The following EHD4 variants were observed in gnomAD, a reference collection of about 807,000 sequenced individuals.
EHD4 encodes the protein EH domain containing 4, also known as EH domain-containing protein 4.
EHD4 carries 37 observed loss-of-function variants against 51.0 expected under a neutral mutation model. That is an observed-to-expected ratio of 0.73 (90% confidence interval 0.56 to 0.95). The LOEUF is 0.95. Ranked by LOEUF, EHD4 falls within the 40% of genes least tolerant of loss-of-function variation. The probability of loss-of-function intolerance (pLI) is 0.00; values close to 1 mark genes in which losing one functional copy is unlikely to be tolerated. For missense variants in EHD4, 632 were observed against 733.1 expected, an observed-to-expected ratio of 0.86 and a Z score of 1.59; for synonymous variants, 297 against 317.3, an observed-to-expected ratio of 0.94 and a Z score of 0.68.
At chr15:41,945,691 T>C (rs1031394118) in intron 2 of EHD4, among the ~76,000 whole-genome samples, 12 of 152,236 alleles carry the variant, frequency 7.9e-5, no homozygotes, top group Non-Finnish European at 1.8e-4. Context: ...TGCATATGAA[T>C]GCATTCGTAC....
intron 4 of EHD4, among the ~76,000 whole-genome samples, chr15:41,914,026 C>T (rs921944549): frequency 1.4e-5 from 2 of 143,338 alleles, no homozygotes; most frequent in African/African-American, 2.7e-5. Flanking sequence ...ACACAGATCT[C>T]ATTGTGTCCA....
At chr15:41,936,441 T>C (rs1456910647) in intron 3 of EHD4, among the ~76,000 whole-genome samples, 2 of 152,230 alleles carry the variant, frequency 1.3e-5, no homozygotes, top group South Asian at 2.1e-4. Flanking sequence ...CAATGCACTA[T>C]GAGAGTATTA....
At chr15:41,943,029 C>G in intron 3 of EHD4, 38 bp downstream of exon 3, 1 of 1,505,986 alleles carries the variant, frequency 6.6e-7, no homozygotes, top group Non-Finnish European at 9.0e-7. Context: ...AGGGCCTCAG[C>G]CAGCACTTGG....
intron 5 of EHD4, among the ~76,000 whole-genome samples, chr15:41,905,676 ATT>A (rs985605703): frequency 2.6e-5 from 4 of 151,880 alleles, no homozygotes; most frequent in African/African-American, 9.7e-5. Context: ...CCATTTGTTC[ATT>A]TTTTCTGTTT....
chr15:41,910,569 T>G (rs972035775), intron 4 of EHD4, among the ~76,000 whole-genome samples: 2 of 150,328 alleles, frequency 1.3e-5, no homozygotes, highest in Admixed American at 1.3e-4. Context: ...AAAAGTTCTC[T>G]TTGTATATAT....
intron 1 of EHD4, among the ~76,000 whole-genome samples, chr15:41,958,230 C>T (rs533551985): frequency 2.0e-5 from 3 of 152,070 alleles, no homozygotes; most frequent in African/African-American, 7.2e-5. Flanking sequence ...TCCCCCTTTC[C>T]TGTGTTCTCG....
intron 2 of EHD4, among the ~76,000 whole-genome samples, chr15:41,953,377 A>G (rs1011298436): frequency 6.6e-6 from 1 of 152,100 alleles, no homozygotes; most frequent in South Asian, 2.1e-4. Context: ...AAGCATTTTT[A>G]TTTTTTAACT....
intron 3 of EHD4, among the ~76,000 whole-genome samples, chr15:41,938,107 G>T (rs1819936756): frequency 1.3e-5 from 2 of 152,212 alleles, no homozygotes; most frequent in Admixed American, 1.3e-4. Context: ...GTCACATGAG[G>T]TCAGGTGTAG....
At chr15:41,920,371 G>A (rs1008050879) in intron 3 of EHD4, among the ~76,000 whole-genome samples, 1 of 152,146 alleles carries the variant, frequency 6.6e-6, no homozygotes, top group Non-Finnish European at 1.5e-5. Context: ...TCAGCCCAAG[G>A]TCAAGGCTCT....
intron 5 of EHD4, among the ~76,000 whole-genome samples, chr15:41,902,241 CTCCATCCATCCATCCATCCA>C (rs56023420): frequency 4.8e-5 from 7 of 146,198 alleles, no homozygotes; most frequent in Middle Eastern, 3.2e-3. Flanking sequence ...TCCTTGGTTA[CTCCATCCATCCATCCATCCA>C]TCCATCCATC....
In EHD4 at chr15:41,900,804, C is replaced by T. The variant is rs749358220; in HGVS notation, c.1467G>A (p.Lys489=). 3.1e-6 allele frequency: 5 copies of T among 1,614,204 alleles called. No individual in the cohort carries two copies. The highest frequency in any genetic ancestry group is 4.2e-6 in the Non-Finnish European group (5 of 1,180,026). ...TGCCGTCGCAGTCGCAGTCGGCCAG[C>T]TTCCAGATCTTGCCCAGGACGCTGT... ...LPNSVLGKIW[K]LADCDCDGML... is the part of the protein sequence containing the mutation. Residue 489 remains lysine (K), a synonymous_variant, in exon 6 of 6, where the codon AAG becomes AAA. Transcript: ENST00000220325. The surrounding 1 kb of genome is among the most constrained non-coding windows in gnomAD (Gnocchi z 4.8).
chr15:41,909,681 G>A lies in EHD4; in HGVS notation c.1089+18C>T. The stretch of plus-strand genomic sequence containing the variant: ...ACCTCTGCCCTCTGCCCGTGACATT[G>A]TAGTGGGCTCCCAGTACCTGCATAG... On this transcript the variant is annotated intron_variant, in intron 5 of 5. Transcript: ENST00000220325. The A allele has an allele frequency of 6.2e-7, 1 of 1,613,888 alleles. No homozygotes were observed. Among genetic ancestry groups the A allele is most frequent in the Non-Finnish European group, 8.5e-7 (1 of 1,179,790 alleles).
chr15:41,915,886 C>T (rs894601562), intron 4 of EHD4, among the ~76,000 whole-genome samples: 5 of 152,140 alleles, frequency 3.3e-5, no homozygotes, highest in African/African-American at 1.2e-4. Flanking sequence ...TCCTTAAATA[C>T]AGAGATGTGA....
intron 4 of EHD4, 105 bp downstream of exon 4, chr15:41,919,105 C>A: frequency 6.8e-7 from 1 of 1,465,546 alleles, no homozygotes; most frequent in South Asian, 1.2e-5. Flanking sequence ...CATGTTCATT[C>A]CTTAAGCCTT....
At chr15:41,942,048 C>G (rs1024752395) in intron 3 of EHD4, 1 of 152,310 alleles carries the variant, frequency 6.6e-6, no homozygotes, top group Non-Finnish European at 1.5e-5. Flanking sequence ...TCCATCTCCT[C>G]CCTCCCAGCA....
chr15:41,958,083 T>C (rs76549145), intron 1 of EHD4, among the ~76,000 whole-genome samples: 2 of 151,686 alleles, frequency 1.3e-5, no homozygotes, highest in East Asian at 3.9e-4. Flanking sequence ...TTTCAGGGAC[T>C]CTAGTATTAT....
chr15:41,963,101 C>T (rs2067936875), intron 1 of EHD4, among the ~76,000 whole-genome samples: 1 of 152,116 alleles, frequency 6.6e-6, no homozygotes, highest in African/African-American at 2.4e-5. Context: ...GCAGCATACT[C>T]CTTAAGAGTC....
chr15:41,932,488 T>G (rs1400185671), intron 3 of EHD4, among the ~76,000 whole-genome samples: 4 of 152,220 alleles, frequency 2.6e-5, no homozygotes, highest in Non-Finnish European at 5.9e-5. Context: ...GTCTGATTTG[T>G]GCTTTGCATC....
chr15:41,946,598 C>T (rs1024545314), intron 2 of EHD4, among the ~76,000 whole-genome samples: 2 of 152,150 alleles, frequency 1.3e-5, no homozygotes, highest in African/African-American at 4.8e-5. Flanking sequence ...TGGTGGCATG[C>T]GCTTGTAGTC....
Sources: gnomAD v4.1 joint callset for allele counts (sites outside exome capture counted in the v4.1 genomes callset) on GRCh38, gnomAD v4.1.1 for gene constraint, Gnocchi (gnomAD v3.1) non-coding constraint, MANE v1.5 for transcripts, NCBI Gene and HGNC (gene_info 2026-07-23, HGNC 2026-07-21) for gene names.